Variants in SPDYE4 observed in about 807,000 individuals in gnomAD.
The protein encoded by SPDYE4 is speedy protein E4.
Under a neutral mutation model 37.5 loss-of-function variants are expected in SPDYE4, and 30 were observed. The ratio of observed to expected loss-of-function variants is 0.80; its 90% CI spans 0.60 to 1.09. The LOEUF is 1.09. Among genes scored for constraint, SPDYE4 ranks in the 50% least tolerant of loss-of-function variants. The pLI, the probability that SPDYE4 is intolerant of heterozygous loss-of-function variation, is 0.00. For missense variants in SPDYE4, 300 were observed against 307.9 expected, an observed-to-expected ratio of 0.97 and a Z score of 0.19; for synonymous variants, 131 against 120.3, an observed-to-expected ratio of 1.09 and a Z score of -0.58.
At chr17:8,758,040 C>T (rs2086789108) in intron 1 of SPDYE4, among the ~76,000 whole-genome samples, 1 of 152,054 alleles carries the variant, frequency 6.6e-6, no homozygotes, top group African/African-American at 2.4e-5. Context: ...CTCGGCCTTC[C>T]TCTCTCATCT....
intron 4 of SPDYE4, among the ~76,000 whole-genome samples, chr17:8,753,798 T>C (rs181504276): frequency 7.2e-5 from 11 of 152,160 alleles, no homozygotes; most frequent in Admixed American, 7.2e-4. Flanking sequence ...GTCTGGGTAA[T>C]ATGGCAAGAC....
chr17:8,757,134 C>A, intron 2 of SPDYE4, 128 bp downstream of exon 2: 6 of 818,562 alleles, frequency 7.3e-6, no homozygotes, highest in Non-Finnish European at 1.2e-5. Context: ...TCCTAAGCAT[C>A]CTCCTCCTGC....
rs561539853 is a variant in SPDYE4 at position 8,751,699 on chromosome 17, T to C, written c.*583A>G. ...ATATAACAACCGTCAGAGAACTCTATAGGAACAGCATGTTTTCAAAACTAC... is the reference window on the plus strand; with the variant it reads ...ATATAACAACCGTCAGAGAACTCTACAGGAACAGCATGTTTTCAAAACTAC... On this transcript the variant is annotated 3_prime_UTR_variant, in exon 7 of 7. Transcript: ENST00000689094. 5.9e-5 allele frequency among the ~76,000 whole-genome samples: 9 copies of C among 152,324 alleles called. No homozygotes were observed. The South Asian group carries it at 1.9e-3, about 32-fold the overall frequency.
At chr17:8,757,598 G>T in intron 1 of SPDYE4, 106 bp from the exon 2 acceptor site, 1 of 1,163,534 alleles carries the variant, frequency 8.6e-7, no homozygotes, top group Non-Finnish European at 1.2e-6. Flanking sequence ...AAGCCTCGCA[G>T]ACTGTCAGCT....
intron 6 of SPDYE4, among the ~76,000 whole-genome samples, chr17:8,752,500 C>G (rs1330722580): frequency 6.6e-6 from 1 of 152,156 alleles, no homozygotes; most frequent in African/African-American, 2.4e-5. Context: ...CTTTGGGTGG[C>G]TCCACCCAGG....
downstream of SPDYE4, among the ~76,000 whole-genome samples, chr17:8,748,288 G>A (rs983401342): frequency 6.6e-6 from 1 of 152,246 alleles, no homozygotes; most frequent in Non-Finnish European, 1.5e-5. Context: ...GAGACAGCTT[G>A]CTTTCTCTCT....
Position 8,753,307 on chromosome 17 carries a change from A to G in SPDYE4, c.654+14T>C, listed in dbSNP as rs745602744. 7.1e-7 allele frequency: 1 copy of G among 1,412,432 alleles called. No homozygotes were observed. Among genetic ancestry groups the G allele is most frequent in the African/African-American group, 1.6e-5 (1 of 61,236 alleles). The allele number at this position is 1,412,432 out of a possible 1,614,324, so 87.5% of individuals were successfully genotyped here. On this transcript the variant is annotated intron_variant, in intron 5 of 6. Coordinates refer to ENST00000689094, the MANE Select transcript of SPDYE4 (RefSeq NM_001394956.1). ...TCCCTCCCCACCCCCACCTCCTCAT[A>G]TGGCCCCACCTACCTCCTCCATCTC...
chr17:8,752,051 G>A lies in SPDYE4; in HGVS notation c.*231C>T, dbSNP rs1055354621. Among the ~76,000 whole-genome samples the A allele has an allele frequency of 1.8e-4, 28 of 152,112 alleles. No homozygotes were observed. Among genetic ancestry groups the A allele is most frequent in the African/African-American group, 6.8e-4 (28 of 41,416 alleles). On this transcript the variant is annotated 3_prime_UTR_variant, in exon 7 of 7. Coordinates refer to ENST00000689094, the MANE Select transcript of SPDYE4 (RefSeq NM_001394956.1). ...CCTGGTTTCTCACTTTCCCTCCACTGACTCCTAGAAATACCTCCATGGCTC... is the reference window on the plus strand; with the variant it reads ...CCTGGTTTCTCACTTTCCCTCCACTAACTCCTAGAAATACCTCCATGGCTC...
intron 1 of SPDYE4, 94 bp from the exon 2 acceptor site, chr17:8,757,586 C>T: frequency 7.8e-7 from 1 of 1,282,930 alleles, no homozygotes; most frequent in Non-Finnish European, 1.1e-6. Flanking sequence ...TTCCATCCTC[C>T]CAAGCCTCGC....
At chr17:8,748,536 A>C (rs1345866735), downstream of SPDYE4, among the ~76,000 whole-genome samples, 1 of 152,254 alleles carries the variant, frequency 6.6e-6, no homozygotes, top group East Asian at 1.9e-4. Context: ...AATGTGAGAA[A>C]GAAATGTTTT....
rs745818593 is a variant in SPDYE4, at chr17:8,757,404, C to G, written c.198G>C (p.Glu66Asp). Residue 66 changes from glutamate to aspartate, a missense_variant, in exon 2 of 7, where the codon GAG becomes GAC. Physicochemically the swap from Glu to Asp is conservative, Grantham distance 45. Transcript: ENST00000689094. ...EWSDESEEEL[E>D]EELELERAPE... is the part of the protein sequence containing the mutation. ...GGGCGCGCTCCAACTCCAGCTCCTC[C>G]TCCAGCTCCTCCTCGGATTCGTCTG... is the stretch of plus-strand genomic sequence containing the variant. The G allele has an allele frequency of 6.3e-7, 1 of 1,591,248 alleles. No homozygotes were observed. Among genetic ancestry groups the G allele is most frequent in the African/African-American group, 1.3e-5 (1 of 74,432 alleles).
rs751339650 is a variant in SPDYE4 at position 8,757,259 on chromosome 17, T to C, written c.340+3A>G. 4 of 1,601,384 alleles carry C rather than the reference T, an allele frequency of 2.5e-6. No homozygotes were observed. The highest frequency in any genetic ancestry group is 1.3e-5 in the African/African-American group (1 of 74,744). On this transcript the variant is annotated splice_donor_region_variant and intron_variant, in intron 2 of 6. Coordinates refer to ENST00000689094, the MANE Select transcript of SPDYE4 (RefSeq NM_001394956.1). ...GGAGGTGCTTTTTGGGGTATCCTCC[T>C]ACCAAGGAGCCTGTTGAAGGCCTCG...
intron 2 of SPDYE4, among the ~76,000 whole-genome samples, chr17:8,756,736 G>A (rs1031240008): frequency 6.6e-6 from 1 of 152,164 alleles, no homozygotes; most frequent in African/African-American, 2.4e-5. Flanking sequence ...AGTCATAATA[G>A]AATTCCCATC....
chr17:8,757,434 T>C lies in SPDYE4; in HGVS notation c.168A>G (p.Glu56=), dbSNP rs1226698644. 9 of 1,598,810 alleles carry C rather than the reference T, an allele frequency of 5.6e-6. No individual in the cohort carries two copies. The highest frequency in any genetic ancestry group is 7.7e-6 in the Non-Finnish European group (9 of 1,172,378). Residue 56 remains glutamate, a synonymous_variant, in exon 2 of 7, where the codon GAA becomes GAG. Coordinates refer to ENST00000689094, the MANE Select transcript of SPDYE4 (RefSeq NM_001394956.1). The part of the protein sequence containing the change: ...PQSLGLKRKS[E]WSDESEEELE... ...GCTCCTCCTCGGATTCGTCTGACCA[T>C]TCGCTCTTCCTTTTCAGGCCAAGGG... is the stretch of plus-strand genomic sequence containing the variant.
At chr17:8,752,340 A>G (rs139933999) in intron 6 of SPDYE4, among the ~76,000 whole-genome samples, 103 bp from the exon 7 acceptor site, 2 of 152,290 alleles carry the variant, frequency 1.3e-5, no homozygotes, top group African/African-American at 4.8e-5. Flanking sequence ...AGAGCAATAT[A>G]TAAATCTGAT....
At chr17:8,750,253 G>T (rs2086718695), downstream of SPDYE4, among the ~76,000 whole-genome samples, 1 of 152,158 alleles carries the variant, frequency 6.6e-6, no homozygotes, top group Non-Finnish European at 1.5e-5. Flanking sequence ...GCTGGGCGTG[G>T]TGGCAGGCGC....
Position 8,755,474 on chromosome 17 carries a change from C to G in SPDYE4, c.485+46G>C, listed in dbSNP as rs569920832. The G allele has an allele frequency of 3.1e-6, 5 of 1,592,810 alleles. No homozygotes were observed. The East Asian group carries it at 6.7e-5, about 21-fold the overall frequency. On this transcript the variant is annotated intron_variant, in intron 4 of 6. Transcript: ENST00000689094. ...GTTGGAATCCCACTTCGTCCACTGT[C>G]CCAGGGTGTTGGATATTGACAGATG...
downstream of SPDYE4, among the ~76,000 whole-genome samples, chr17:8,748,847 C>G (rs1382760994): frequency 6.6e-6 from 1 of 152,182 alleles, no homozygotes; most frequent in African/African-American, 2.4e-5. Context: ...GTTGGACCCT[C>G]ATTGGATGCA....
downstream of SPDYE4, among the ~76,000 whole-genome samples, chr17:8,748,713 G>A (rs934628085): frequency 1.1e-4 from 17 of 152,210 alleles, no homozygotes; most frequent in African/African-American, 3.4e-4. Context: ...TGTTTCATGC[G>A]CATTTTAAAC....
Sources: gnomAD v4.1 joint callset for allele counts (sites outside exome capture counted in the v4.1 genomes callset) on GRCh38, gnomAD v4.1.1 for gene constraint, MANE v1.5 for transcripts, NCBI Gene and HGNC (gene_info 2026-07-23, HGNC 2026-07-21) for gene names.